The following XDH variants were observed in gnomAD, a reference collection of about 807,000 sequenced individuals.
XDH encodes the protein xanthine dehydrogenase/oxidase.
XDH carries 138 observed loss-of-function variants against 156.1 expected under a neutral mutation model. The ratio of observed to expected loss-of-function variants is 0.88; its 90% CI spans 0.77 to 1.02. The LOEUF (loss-of-function observed/expected upper bound fraction) is 1.02. XDH is among the 50% of genes least tolerant of loss of function. The pLI is 0.00. For missense variants in XDH, 1,849 were observed against 1,684.9 expected (o/e 1.10, Z -1.71); for synonymous variants, 669 against 625.7 (o/e 1.07, Z -1.03).
intron 1 of XDH, among the ~76,000 whole-genome samples, chr2:31,407,126 A>G (rs1430200681): frequency 1.3e-5 from 2 of 152,196 alleles, no homozygotes; most frequent in Non-Finnish European, 1.5e-5. Flanking sequence ...ACACCTTCCT[A>G]AAGGAGAAGG....
chr2:31,400,608 C>G (rs1469832822), intron 4 of XDH, among the ~76,000 whole-genome samples: 1 of 152,154 alleles, frequency 6.6e-6, no homozygotes, highest in African/African-American at 2.4e-5. Context: ...TATTACTGCC[C>G]ATTTGCCCCA....
chr2:31,398,279 C>A (rs1294807528), intron 5 of XDH, among the ~76,000 whole-genome samples: 1 of 152,158 alleles, frequency 6.6e-6, no homozygotes, highest in Non-Finnish European at 1.5e-5. Context: ...ATGACGTCTT[C>A]CTGCACCAGC....
At chr2:31,385,429 C>T (rs1686561849) in intron 9 of XDH, among the ~76,000 whole-genome samples, 2 of 152,134 alleles carry the variant, frequency 1.3e-5, no homozygotes, top group Non-Finnish European at 2.9e-5. Context: ...TCAGCACTGA[C>T]CCAAGCCAGG....
chr2:31,397,715 A>G lies in XDH; in HGVS notation c.448T>C (p.Cys150Arg). 1 of 1,614,204 alleles carries G rather than the reference A, an allele frequency of 6.2e-7. No individual in the cohort carries two copies. Among genetic ancestry groups the G allele is most frequent in the Non-Finnish European group, 8.5e-7 (1 of 1,180,024 alleles). Residue 150 changes from cysteine (C) to arginine (R), a missense_variant, in exon 6 of 36, where the codon TGC becomes CGC. Cys to Arg is a radical substitution (Grantham distance 180). Coordinates refer to ENST00000379416, the MANE Select transcript of XDH (RefSeq NM_000379.4). ...TGGAGGATGGGTCTGTAGCCTGTGC[A>G]GCGGCACAGATTTCCTGTGGGCCAA... The part of the protein sequence containing the change: ...ENAFQGNLCR[C>R]TGYRPILQGF...
intron 14 of XDH, among the ~76,000 whole-genome samples, chr2:31,376,085 A>G (rs904419008): frequency 6.6e-6 from 1 of 152,150 alleles, no homozygotes; most frequent in African/African-American, 2.4e-5. Context: ...CTGTTATATA[A>G]TAACCATAGA....
At chr2:31,395,274 T>TC (rs906967046) in intron 6 of XDH, among the ~76,000 whole-genome samples, 6 of 152,172 alleles carry the variant, frequency 3.9e-5, no homozygotes, top group Non-Finnish European at 5.9e-5. Flanking sequence ...GGGTTTTTTT[T>TC]CTCCGTTTGG....
At chr2:31,384,084 C>T (rs1427021597) in intron 9 of XDH, 2 of 493,592 alleles carry the variant, frequency 4.1e-6, no homozygotes, top group Non-Finnish European at 7.4e-6. Context: ...AAAAAACCTA[C>T]CTGAATTCAA....
Position 31,365,517 on chromosome 2 carries a change from C to T in XDH, c.2484G>A (p.Leu828=), listed in dbSNP as rs1312917059. 4 of 1,614,054 alleles carry T rather than the reference C, an allele frequency of 2.5e-6. No individual in the cohort carries two copies. The highest frequency in any genetic ancestry group is 3.4e-6 in the Non-Finnish European group (4 of 1,180,038). Residue 828 remains leucine, a synonymous_variant, in exon 23 of 36, where the codon CTG becomes CTA. Coordinates refer to ENST00000379416, the MANE Select transcript of XDH (RefSeq NM_000379.4). ...TTATCAGCATGTCCTCATCACGGTC[C>T]AGCATGCATCGCACAGGGCGGCCGG... ...YKTGRPVRCM[L]DRDEDMLITG...
chr2:31,344,105 T>C (rs758207386), intron 31 of XDH, among the ~76,000 whole-genome samples: 9 of 152,180 alleles, frequency 5.9e-5, no homozygotes, highest in Non-Finnish European at 1.0e-4. Flanking sequence ...GCAGGGTCTC[T>C]AGCTATTCAC....
chr2:31,384,310 T>A (rs1204970449), intron 9 of XDH: 1 of 182,434 alleles, frequency 5.5e-6, no homozygotes, highest in African/African-American at 2.4e-5. Context: ...AAAAGTTAAG[T>A]TTCTTGCCCA....
intron 6 of XDH, among the ~76,000 whole-genome samples, chr2:31,391,053 T>C (rs1446852920): frequency 6.6e-6 from 1 of 152,202 alleles, no homozygotes. Context: ...GTCATCATCA[T>C]TCCAAGGTCA....
chr2:31,414,327 C>T (rs1209685954), intron 1 of XDH, among the ~76,000 whole-genome samples: 1 of 151,932 alleles, frequency 6.6e-6, no homozygotes, highest in African/African-American at 2.4e-5. Flanking sequence ...TCCCCTTTCT[C>T]ATTCTGTGCC....
chr2:31,338,668 A>G (rs148167895), intron 34 of XDH, among the ~76,000 whole-genome samples: 1 of 150,470 alleles, frequency 6.6e-6, no homozygotes, highest in Non-Finnish European at 1.5e-5. Context: ...CTTACTGCAG[A>G]TAAGGAAGAA....
At position 31,386,408 on chromosome 2, in the gene XDH, C is replaced by G; in HGVS notation, c.793+6G>C. 1 of 1,612,304 alleles carries G rather than the reference C, an allele frequency of 6.2e-7. No homozygotes were observed. Among genetic ancestry groups the G allele is most frequent in the South Asian group, 1.1e-5 (1 of 91,024 alleles). The stretch of plus-strand genomic sequence containing the variant: ...GCAGCCCCAGGGCAGCCTCCCTGGC[C>G]CTTACCAATCTCCGTGTTCCCCACG... On this transcript the variant is annotated splice_donor_region_variant and intron_variant, in intron 9 of 35. Coordinates refer to ENST00000379416, the MANE Select transcript of XDH (RefSeq NM_000379.4).
intron 21 of XDH, 76 bp downstream of exon 21, chr2:31,366,794 C>T (rs2148767933): frequency 1.2e-6 from 2 of 1,610,358 alleles, no homozygotes; most frequent in Admixed American, 3.3e-5. Context: ...TTCCTATTTC[C>T]CACATGGCCC....
intron 9 of XDH, among the ~76,000 whole-genome samples, chr2:31,385,738 T>C (rs1686570607): frequency 6.6e-6 from 1 of 152,230 alleles, no homozygotes; most frequent in African/African-American, 2.4e-5. Flanking sequence ...TGTTCAACTA[T>C]TCCAGGCCTC....
rs1235182444 is a variant in XDH at position 31,379,981 on chromosome 2, A to G, written c.1133-5T>C. ...TCTGGACAGTTCTCCTGGTGCCTGT[A>G]CAGAAGCAAGATGAAGAGGAGCCAA... On this transcript the variant is annotated splice_region_variant and splice_polypyrimidine_tract_variant and intron_variant, in intron 12 of 35. Transcript: ENST00000379416. The G allele has an allele frequency of 6.2e-7, 1 of 1,613,744 alleles. No homozygotes were observed. Among genetic ancestry groups the G allele is most frequent in the Non-Finnish European group, 8.5e-7 (1 of 1,179,908 alleles).
At position 31,381,716 on chromosome 2, in the gene XDH, C is replaced by T; in HGVS notation, c.1049G>A (p.Gly350Glu). Reference protein sequence around the residue: ...KQVKSVASVGGNIITASPISD... With the variant: ...KQVKSVASVGENIITASPISD... ...GATGGGGCTGGCAGTGATGATGTTCCCTCCAACGGACTAAAACAAGCAGAG... is the reference window on the plus strand; with the variant it reads ...GATGGGGCTGGCAGTGATGATGTTCTCTCCAACGGACTAAAACAAGCAGAG... Residue 350 changes from glycine (G) to glutamate (E), a missense_variant, in exon 12 of 36, where the codon GGG (glycine) becomes GAG (glutamate). Transcript: ENST00000379416. The T allele has an allele frequency of 6.2e-7, 1 of 1,613,440 alleles. No individual in the cohort carries two copies. The highest frequency in any genetic ancestry group is 8.5e-7 in the Non-Finnish European group (1 of 1,179,746).
intron 2 of XDH, among the ~76,000 whole-genome samples, chr2:31,404,659 G>T (rs186207966): frequency 7.6e-4 from 115 of 152,270 alleles, no homozygotes; most frequent in African/African-American, 2.7e-3. Context: ...CTGAGAATGA[G>T]CTTCTCTTCC....
Sources: allele counts gnomAD v4.1 joint callset (sites outside exome capture counted in the v4.1 genomes callset), GRCh38; gene constraint gnomAD v4.1.1; transcripts MANE v1.5; gene names NCBI Gene and HGNC (gene_info 2026-07-23, HGNC 2026-07-21).